STK32C: variants seen among roughly 807,000 people sequenced by gnomAD.
The protein encoded by STK32C is serine/threonine kinase 32C.
In STK32C, 31 loss-of-function variants were observed where a neutral mutation model predicts 56.5. That is an observed-to-expected ratio of 0.55 (90% CI 0.41 to 0.74). The LOEUF (loss-of-function observed/expected upper bound fraction) is 0.74. STK32C is among the 30% of genes least tolerant of loss of function. The pLI is 0.00. For synonymous variants in STK32C, 309 were observed against 289.4 expected (o/e 1.07, Z -0.69); for missense variants, 544 against 676.9 (o/e 0.80, Z 2.18).
At position 132,224,315 on chromosome 10, in the gene STK32C, CTG is replaced by C. The variant is rs376744347; in HGVS notation, c.993+90_993+91del. ...TGTGCCTGCCAGGAAGCGGCACTAACTGTGCACTGGAGGGGGTGTCCCGAGCC... is the reference window on the plus strand; with the variant it reads ...TGTGCCTGCCAGGAAGCGGCACTAACTGCACTGGAGGGGGTGTCCCGAGCC... On this transcript the variant is annotated intron_variant, in intron 8 of 11. Coordinates refer to ENST00000298630, the MANE Select transcript of STK32C (RefSeq NM_173575.4). 1.7e-4 allele frequency: 155 copies of C among 913,698 alleles called. 1 individual carries two copies. Among genetic ancestry groups the C allele is most frequent in the South Asian group, 9.3e-4 (65 of 69,646 alleles). 56.6% of individuals were successfully genotyped at this position (913,698 alleles called of 1,614,324 possible).
At chr10:132,232,296 G>A (rs1169311055) in intron 2 of STK32C, among the ~76,000 whole-genome samples, 5 of 152,198 alleles carry the variant, frequency 3.3e-5, no homozygotes, top group Admixed American at 2.0e-4. Flanking sequence ...GTTTTCCGTT[G>A]AAATGGATTT....
Position 132,208,183 on chromosome 10 carries a change from T to C in STK32C, c.1320-32A>G, listed in dbSNP as rs371622747. 104 of 1,304,994 alleles carry C rather than the reference T, an allele frequency of 8.0e-5. No individual in the cohort carries two copies. The African/African-American group carries it at 1.2e-3, about 15-fold the overall frequency. The allele number at this position is 1,304,994 out of a possible 1,614,324, so 80.8% of individuals were successfully genotyped here. ...TGGCAGGAACACATGGAGGGCGTTA[T>C]GCCCCCACCTCCCTGGCCTCACGGT... On this transcript the variant is annotated intron_variant, in intron 11 of 11. Transcript: ENST00000298630.
chr10:132,276,688 G>T (rs2065006663), intron 1 of STK32C, among the ~76,000 whole-genome samples: 1 of 152,136 alleles, frequency 6.6e-6, no homozygotes, highest in Non-Finnish European at 1.5e-5. Flanking sequence ...TCAGGAGACT[G>T]GGGCGGGAGG....
chr10:132,296,882 C>T (rs1003825648), intron 1 of STK32C, among the ~76,000 whole-genome samples: 2 of 152,136 alleles, frequency 1.3e-5, no homozygotes, highest in South Asian at 2.1e-4. Context: ...TCTGGGACGC[C>T]GAAAGCCTCT....
chr10:132,311,650 A>G (rs2066224716), upstream of STK32C, among the ~76,000 whole-genome samples: 2 of 152,206 alleles, frequency 1.3e-5, no homozygotes, highest in African/African-American at 4.8e-5. This position sits in a 1 kb window ranked among gnomAD's most constrained non-coding sequence, Gnocchi z 4.4. Context: ...GGGGCCGAGC[A>G]TGAGTTCACC....
chr10:132,235,406 G>A (rs942823157), intron 2 of STK32C, among the ~76,000 whole-genome samples: 1 of 137,246 alleles, frequency 7.3e-6, no homozygotes, highest in South Asian at 2.3e-4. Flanking sequence ...TGAGGCAGGG[G>A]AATCTCTTGA....
At chr10:132,211,339 G>A (rs2062293027) in intron 10 of STK32C, among the ~76,000 whole-genome samples, 1 of 152,164 alleles carries the variant, frequency 6.6e-6, no homozygotes, top group Non-Finnish European at 1.5e-5. Context: ...GCTGGGGTGG[G>A]CGCCAGTGAT....
chr10:132,234,597 C>T (rs534606638), intron 2 of STK32C, among the ~76,000 whole-genome samples: 55 of 152,382 alleles, frequency 3.6e-4, no homozygotes, highest in African/African-American at 1.3e-3. Context: ...TGTATGGCCC[C>T]TTCTGAGCTT....
chr10:132,237,434 CTA>C (rs1257682695), intron 2 of STK32C, among the ~76,000 whole-genome samples: 1 of 152,246 alleles, frequency 6.6e-6, no homozygotes, highest in African/African-American at 2.4e-5. Flanking sequence ...AGGGAAACAG[CTA>C]TTTTAAGGCA....
intron 1 of STK32C, among the ~76,000 whole-genome samples, chr10:132,278,956 T>C (rs1299124374): frequency 6.6e-6 from 1 of 152,040 alleles, no homozygotes; most frequent in Non-Finnish European, 1.5e-5. Flanking sequence ...CTGCCCTGCC[T>C]CAGTCCCCAT....
chr10:132,270,691 C>T (rs1356672070), intron 1 of STK32C, among the ~76,000 whole-genome samples: 1 of 152,226 alleles, frequency 6.6e-6, no homozygotes, highest in African/African-American at 2.4e-5. Context: ...ACCAACCAGA[C>T]ACCCCTCCCT....
At chr10:132,232,500 G>A (rs2063138978) in intron 2 of STK32C, among the ~76,000 whole-genome samples, 1 of 152,088 alleles carries the variant, frequency 6.6e-6, no homozygotes, top group Non-Finnish European at 1.5e-5. Flanking sequence ...AAAAAAGACT[G>A]GAAACCGGCG....
chr10:132,240,372 G>A (rs1387246828), intron 2 of STK32C, among the ~76,000 whole-genome samples: 2 of 152,320 alleles, frequency 1.3e-5, no homozygotes, highest in Admixed American at 6.5e-5. Flanking sequence ...TACAGCAGCC[G>A]CTGGCGGGTT....
At chr10:132,223,404 G>A (rs1031824484) in intron 8 of STK32C, among the ~76,000 whole-genome samples, 1 of 152,240 alleles carries the variant, frequency 6.6e-6, no homozygotes, top group African/African-American at 2.4e-5. Flanking sequence ...TGAGCCCGGG[G>A]CAGCCATGCA....
At position 132,283,391 on chromosome 10, in the gene STK32C, G is replaced by A. The variant is rs980837843; in HGVS notation, c.262+24181C>T. Among the ~76,000 whole-genome samples, 19 of 152,240 alleles carry A rather than the reference G, an allele frequency of 1.2e-4. No homozygotes were observed. The East Asian group carries it at 1.7e-3, about 14-fold the overall frequency. ...GTTGGCAGAACGCAGACGAGGCTGCGAAGGTCCAGCGGCAGCCACGCCCCC... is the reference window on the plus strand; with the variant it reads ...GTTGGCAGAACGCAGACGAGGCTGCAAAGGTCCAGCGGCAGCCACGCCCCC... On this transcript the variant is annotated intron_variant, in intron 1 of 11. Transcript: ENST00000298630.
intron 2 of STK32C, among the ~76,000 whole-genome samples, chr10:132,239,875 C>T (rs12266811): frequency 6.6e-6 from 1 of 152,094 alleles, no homozygotes; most frequent in Non-Finnish European, 1.5e-5. Flanking sequence ...AGGGTCTGGA[C>T]AGTGAGGACA....
chr10:132,224,453 T>C lies in STK32C; in HGVS notation c.947A>G (p.Gln316Arg), dbSNP rs967904550. The change falls in exon 8 of 12, where the codon CAG (glutamine) becomes CGG (arginine). Residue 316 changes from glutamine (Q) to arginine (R), a missense_variant. Physicochemically the swap from Gln to Arg is conservative, Grantham distance 43 (BLOSUM62 1). This residue lies in a region of STK32C where 277 missense variants were observed against 309.3 expected (regional missense o/e 0.90). Transcript: ENST00000298630. ...CTCCTTGGACCACGTGGGGACATACTGGACGCTCACGGTGCTGAACAGCTG... is the reference window on the plus strand; with the variant it reads ...CTCCTTGGACCACGTGGGGACATACCGGACGCTCACGGTGCTGAACAGCTG... ...LVQLFSTVSVQYVPTWSKEMV... is the reference protein window; with the variant it reads ...LVQLFSTVSVRYVPTWSKEMV... 3.8e-6 allele frequency: 6 copies of C among 1,565,426 alleles called. No individual in the cohort carries two copies. Among genetic ancestry groups the C allele is most frequent in the Non-Finnish European group, 5.2e-6 (6 of 1,154,958 alleles).
chr10:132,244,224 G>A (rs745748382), intron 2 of STK32C, among the ~76,000 whole-genome samples: 7 of 152,188 alleles, frequency 4.6e-5, no homozygotes, highest in African/African-American at 1.2e-4. Context: ...ACTGTGAGCC[G>A]GAAGGAACCC....
chr10:132,249,617 C>T (rs1036064137), intron 1 of STK32C, among the ~76,000 whole-genome samples: 3 of 152,156 alleles, frequency 2.0e-5, no homozygotes, highest in African/African-American at 4.8e-5. Flanking sequence ...TGACCGGCAT[C>T]GTGGCTGTCC....
Sources: allele counts gnomAD v4.1 joint callset (sites outside exome capture counted in the v4.1 genomes callset), GRCh38; gene constraint gnomAD v4.1.1; regional missense constraint gnomAD v4.1.1; non-coding constraint Gnocchi (gnomAD v3.1); transcripts MANE v1.5; gene names NCBI Gene and HGNC (gene_info 2026-07-23, HGNC 2026-07-21).